XPO7: variants seen among roughly 807,000 people sequenced by gnomAD.
The protein encoded by XPO7 is exportin-7.
XPO7 carries 21 observed loss-of-function variants against 144.3 expected under a neutral mutation model. That is an observed-to-expected ratio of 0.15 (90% CI 0.10 to 0.21). The LOEUF (loss-of-function observed/expected upper bound fraction) is 0.21. XPO7 is among the 10% of genes least tolerant of loss of function. XPO7 has a pLI of 1.00. For missense variants in XPO7, 808 were observed against 1,325.8 expected, an observed-to-expected ratio of 0.61 and a Z score of 6.06; for synonymous variants, 580 against 499.6, an observed-to-expected ratio of 1.16 and a Z score of -2.15.
chr8:21,954,546 A>G (rs772519171), intron 1 of XPO7, among the ~76,000 whole-genome samples: 5 of 152,304 alleles, frequency 3.3e-5, no homozygotes, highest in Non-Finnish European at 7.4e-5. Flanking sequence ...AGGCAGGAGA[A>G]TCGCTTGAAC....
At chr8:21,966,175 G>A in intron 1 of XPO7, 1 of 683,558 alleles carries the variant, frequency 1.5e-6, no homozygotes, top group Non-Finnish European at 2.7e-6. Context: ...TGTTTCCCTT[G>A]TCTTATCTGT....
intron 12 of XPO7, 110 bp downstream of exon 12, chr8:21,984,949 A>G: frequency 8.5e-7 from 1 of 1,175,424 alleles, no homozygotes; most frequent in South Asian, 1.5e-5. Context: ...TTCTTTCATC[A>G]TCTGTTGTCT....
chr8:21,924,055 G>C (rs996702169), intron 1 of XPO7, among the ~76,000 whole-genome samples: 2 of 152,126 alleles, frequency 1.3e-5, no homozygotes, highest in South Asian at 2.1e-4. Flanking sequence ...CTGGGGCTCC[G>C]GGCTGCAGTC....
intron 1 of XPO7, among the ~76,000 whole-genome samples, chr8:21,950,435 A>C (rs1811329378): frequency 6.6e-6 from 1 of 152,178 alleles, no homozygotes; most frequent in African/African-American, 2.4e-5. Flanking sequence ...AAAAGTGAGA[A>C]TTATTCTCCC....
chr8:21,931,640 G>T (rs1810653761), intron 1 of XPO7, among the ~76,000 whole-genome samples: 1 of 152,184 alleles, frequency 6.6e-6, no homozygotes, highest in Admixed American at 6.5e-5. Flanking sequence ...GAAAGAAGAG[G>T]TCATAGTCTC....
At chr8:21,991,341 T>A (rs1439932183) in intron 18 of XPO7, among the ~76,000 whole-genome samples, 1 of 152,230 alleles carries the variant, frequency 6.6e-6, no homozygotes, top group Non-Finnish European at 1.5e-5. Flanking sequence ...GTAGCAGTAG[T>A]GGTGATATTA....
At chr8:21,979,367 A>G (rs535470725) in intron 8 of XPO7, among the ~76,000 whole-genome samples, 11 of 149,854 alleles carry the variant, frequency 7.3e-5, no homozygotes, top group Non-Finnish European at 1.6e-4. Context: ...TTTAGGGCCC[A>G]GATGTGATAT....
At chr8:21,922,622 T>C (rs1810325889) in intron 1 of XPO7, among the ~76,000 whole-genome samples, 1 of 152,072 alleles carries the variant, frequency 6.6e-6, no homozygotes, top group South Asian at 2.1e-4. Flanking sequence ...TGAACAGTGG[T>C]GATGAAGAAG....
chr8:21,938,402 C>T (rs1563312888), intron 1 of XPO7, among the ~76,000 whole-genome samples: 1 of 152,142 alleles, frequency 6.6e-6, no homozygotes, highest in East Asian at 1.9e-4. Context: ...ATTTTCATCA[C>T]TCCAAAAAGA....
intron 8 of XPO7, among the ~76,000 whole-genome samples, chr8:21,978,416 T>C (rs1207168922): frequency 6.6e-6 from 1 of 152,210 alleles, no homozygotes; most frequent in Non-Finnish European, 1.5e-5. Context: ...ATACACAAAA[T>C]ATATAAAGAA....
In XPO7 at chr8:22,005,123, C is replaced by T; in HGVS notation, c.*35C>T. On this transcript the variant is annotated 3_prime_UTR_variant, in exon 28 of 28. Transcript: ENST00000252512. ...GGACTCTACCTGTACAGAGCAGCGT[C>T]CCTTTGGTTTGGCCCAGAGGGGCGA... 1 of 1,559,350 alleles carries T rather than the reference C, an allele frequency of 6.4e-7. No individual in the cohort carries two copies. Among genetic ancestry groups the T allele is most frequent in the East Asian group, 2.3e-5 (1 of 43,440 alleles).
At chr8:21,938,457 C>G (rs554194663) in intron 1 of XPO7, among the ~76,000 whole-genome samples, 1 of 152,078 alleles carries the variant, frequency 6.6e-6, no homozygotes, top group Non-Finnish European at 1.5e-5. Flanking sequence ...TTTTTTAGTT[C>G]ATTATATCAG....
At position 21,982,714 on chromosome 8, in the gene XPO7, T is replaced by C; in HGVS notation, c.1179T>C (p.Tyr393=). 5.0e-6 allele frequency: 8 copies of C among 1,613,966 alleles called. No homozygotes were observed. Among genetic ancestry groups the C allele is most frequent in the Non-Finnish European group, 6.8e-6 (8 of 1,179,872 alleles). Residue 393 remains tyrosine, a synonymous_variant, in exon 11 of 28, where the codon TAT becomes TAC. Transcript: ENST00000252512. The part of the protein sequence containing the change: ...LWQRLAASVP[Y]VKATEPHMLE... Reference sequence around the variant, plus strand: ...AGCGGCTGGCAGCCTCTGTGCCGTATGTCAAAGCCACAGAGCCCCACATGC... The same window carrying C: ...AGCGGCTGGCAGCCTCTGTGCCGTACGTCAAAGCCACAGAGCCCCACATGC...
chr8:21,943,553 T>A (rs544334241), intron 1 of XPO7, among the ~76,000 whole-genome samples: 1 of 152,316 alleles, frequency 6.6e-6, no homozygotes, highest in African/African-American at 2.4e-5. Context: ...ATTTTGATAG[T>A]ATTAAAGGGT....
intron 1 of XPO7, among the ~76,000 whole-genome samples, chr8:21,932,094 G>A (rs1029701604): frequency 4.6e-5 from 7 of 152,120 alleles, no homozygotes; most frequent in Admixed American, 1.3e-4. Flanking sequence ...GGCTGGTCTC[G>A]AACTCCTGAC....
At chr8:21,999,946 C>G (rs1284302685) in intron 24 of XPO7, among the ~76,000 whole-genome samples, 3 of 152,184 alleles carry the variant, frequency 2.0e-5, no homozygotes, top group Non-Finnish European at 2.9e-5. Flanking sequence ...GTGGGTAGAA[C>G]AGACACATGA....
At chr8:21,988,444 T>G (rs986638235) in intron 15 of XPO7, 2 of 156,268 alleles carry the variant, frequency 1.3e-5, no homozygotes, top group African/African-American at 4.8e-5. Context: ...GAGCTCAATT[T>G]ATCAAAGCAC....
intron 1 of XPO7, among the ~76,000 whole-genome samples, chr8:21,929,126 G>A (rs532768758): frequency 2.6e-5 from 4 of 152,320 alleles, no homozygotes; most frequent in South Asian, 4.1e-4. Flanking sequence ...CAAGTGCTCA[G>A]TAGCCACATG....
chr8:21,945,441 A>G (rs1002891697), intron 1 of XPO7, among the ~76,000 whole-genome samples: 2 of 152,256 alleles, frequency 1.3e-5, no homozygotes, highest in South Asian at 2.1e-4. Context: ...AAAATTTTAT[A>G]CAGACAAATG....
Sources: allele counts gnomAD v4.1 joint callset (sites outside exome capture counted in the v4.1 genomes callset), GRCh38; gene constraint gnomAD v4.1.1; transcripts MANE v1.5; gene names NCBI Gene and HGNC (gene_info 2026-07-23, HGNC 2026-07-21).